TTC1: variants seen among roughly 807,000 people sequenced by gnomAD.
TTC1 encodes the protein tetratricopeptide repeat protein 1.
A neutral mutation model predicts 37.6 loss-of-function variants in TTC1; 31 were observed. The ratio of observed to expected loss-of-function variants is 0.82; its 90% CI spans 0.62 to 1.11. The LOEUF (loss-of-function observed/expected upper bound fraction) is 1.11. TTC1 is among the 50% of genes most tolerant of loss of function. The pLI, the probability that TTC1 is intolerant of heterozygous loss-of-function variation, is 0.00. For synonymous variants in TTC1, 127 were observed against 122.4 expected (o/e 1.04, Z -0.25); for missense variants, 351 against 339.0 (o/e 1.04, Z -0.28).
intron 6 of TTC1, among the ~76,000 whole-genome samples, chr5:160,049,974 G>T (rs934307906): frequency 3.9e-5 from 6 of 152,248 alleles, no homozygotes; most frequent in South Asian, 2.1e-4. Flanking sequence ...AGCTACTCGG[G>T]AGGCAGGAGA....
chr5:160,012,812 C>G (rs1756524599), intron 2 of TTC1, among the ~76,000 whole-genome samples: 1 of 151,998 alleles, frequency 6.6e-6, no homozygotes. Context: ...GTGAGTTTGA[C>G]AATTGTATAC....
At chr5:160,047,407 A>C (rs1476286239) in intron 5 of TTC1, among the ~76,000 whole-genome samples, 1 of 152,162 alleles carries the variant, frequency 6.6e-6, no homozygotes, top group African/African-American at 2.4e-5. Flanking sequence ...CATGGGCTCA[A>C]ATTTAAAGAC....
chr5:160,060,864 C>T (rs1753364892), intron 7 of TTC1, among the ~76,000 whole-genome samples: 1 of 152,246 alleles, frequency 6.6e-6, no homozygotes, highest in Non-Finnish European at 1.5e-5. Flanking sequence ...TGACCACACT[C>T]TGGCTTCAGA....
At chr5:160,034,126 CTTTTTTTTTTTTT>C (rs978923159) in intron 2 of TTC1, among the ~76,000 whole-genome samples, 1 of 114,562 alleles carries the variant, frequency 8.7e-6, no homozygotes, top group African/African-American at 3.2e-5. Context: ...GACCCTATCT[CTTTTTTTTTTTTT>C]TTTTTTTTAA....
intron 2 of TTC1, among the ~76,000 whole-genome samples, chr5:160,011,403 T>G (rs974001867): frequency 1.3e-5 from 2 of 152,206 alleles, no homozygotes; most frequent in Non-Finnish European, 2.9e-5. Flanking sequence ...TCCACTGACT[T>G]AAAATGTTAC....
chr5:160,048,397 T>G (rs1042749178), intron 5 of TTC1, among the ~76,000 whole-genome samples: 13 of 152,072 alleles, frequency 8.5e-5, no homozygotes, highest in Non-Finnish European at 1.6e-4. Flanking sequence ...CCAATTGACC[T>G]GCCTGCCTCG....
chr5:160,031,229 A>C (rs1276363123), intron 2 of TTC1, among the ~76,000 whole-genome samples: 5 of 152,178 alleles, frequency 3.3e-5, no homozygotes, highest in African/African-American at 1.2e-4. Context: ...TAATTTGCAC[A>C]ATCTGTGGAG....
rs760267758 is a variant in TTC1, at chr5:160,054,852, C to T, written c.745+3669C>T. On this transcript the variant is annotated intron_variant, in intron 7 of 7. Transcript: ENST00000231238. ...TTTTACAGTAGTAAATTTTTGCTCA[C>T]ATAGGTAAATAGGAAAAAAAACATT... 2.0e-5 allele frequency among the ~76,000 whole-genome samples: 3 copies of T among 152,012 alleles called. No homozygotes were observed. In the East Asian group the frequency reaches 5.8e-4, roughly 29 times the overall value.
In TTC1 at chr5:160,010,257, CAAAAAAAAAAAA is replaced by C. The variant is rs397882520; in HGVS notation, c.-29-232_-29-221del. ...TGGGCGACAGACTGAGATTAAGTCT[CAAAAAAAAAAAA>C]AAAAAAAAAAGAATCTGGTACCAGA... is the stretch of plus-strand genomic sequence containing the variant. On this transcript the variant is annotated intron_variant, in intron 1 of 7. Coordinates refer to ENST00000231238, the MANE Select transcript of TTC1 (RefSeq NM_003314.3). Among the ~76,000 whole-genome samples, 21 of 50,342 alleles carry C rather than the reference CAAAAAAAAAAAA, an allele frequency of 4.2e-4. No individual in the cohort carries two copies. In the South Asian group the frequency reaches 7.6e-3, roughly 18 times the overall value. 33.0% of individuals were successfully genotyped at this position (50,342 alleles called of 152,430 possible).
chr5:160,035,909 T>G (rs1303002643), intron 3 of TTC1, among the ~76,000 whole-genome samples: 5 of 152,002 alleles, frequency 3.3e-5, no homozygotes, highest in East Asian at 3.8e-4. Flanking sequence ...TTTTTCTTAT[T>G]GTTTTCCAAA....
rs765097163 is a variant in TTC1 at position 160,064,882 on chromosome 5, T to C, written c.746-50T>C. The C allele has an allele frequency of 3.2e-6, 5 of 1,574,596 alleles. No homozygotes were observed. In the South Asian group the frequency reaches 3.5e-5, roughly 11 times the overall value. On this transcript the variant is annotated intron_variant, in intron 7 of 7. Transcript: ENST00000231238. ...AAGGCAAGATTAATTGGTACCTTCC[T>C]GCTTCTGTTCATTCCTGTATTCATT...
At chr5:160,042,933 C>G (rs920358084) in intron 4 of TTC1, among the ~76,000 whole-genome samples, 200 bp from the exon 5 acceptor site, 3 of 152,176 alleles carry the variant, frequency 2.0e-5, no homozygotes, top group East Asian at 3.9e-4. Context: ...TACCAGGAGG[C>G]CTTCAGATCA....
chr5:160,056,975 G>T (rs999018557), intron 7 of TTC1, among the ~76,000 whole-genome samples: 7 of 151,740 alleles, frequency 4.6e-5, no homozygotes, highest in Admixed American at 3.9e-4. Context: ...CAGAAACCCA[G>T]TCTTTTTTTT....
chr5:160,058,376 A>T (rs907073522), intron 7 of TTC1, among the ~76,000 whole-genome samples: 2 of 149,984 alleles, frequency 1.3e-5, no homozygotes, highest in Non-Finnish European at 3.0e-5. Flanking sequence ...TATTTTGACC[A>T]TCTCAGCAGC....
At chr5:160,055,597 G>A (rs1003631286) in intron 7 of TTC1, among the ~76,000 whole-genome samples, 2 of 152,232 alleles carry the variant, frequency 1.3e-5, no homozygotes, top group African/African-American at 2.4e-5. Context: ...CCCTACCCCA[G>A]ACCTACTGAA....
At position 160,049,578 on chromosome 5, in the gene TTC1, G is replaced by T; in HGVS notation, c.606G>T (p.Thr202=). ...ILRRAELYEK[T]DKLDEALEDY... ...GGAGAGCAGAGTTGTATGAGAAGAC[G>T]GACAAGCTAGATGAAGCCCTGGAAG... The change falls in exon 6 of 8, where the codon ACG becomes ACT. Residue 202 remains threonine (T), a synonymous_variant. Coordinates refer to ENST00000231238, the MANE Select transcript of TTC1 (RefSeq NM_003314.3). 6.2e-7 allele frequency: 1 copy of T among 1,610,738 alleles called. No individual in the cohort carries two copies. The highest frequency in any genetic ancestry group is 8.5e-7 in the Non-Finnish European group (1 of 1,178,600).
rs1753568965 is a variant in TTC1, at chr5:160,065,197, G to A, written c.*132G>A. The A allele has an allele frequency of 3.3e-6, 4 of 1,214,280 alleles. No homozygotes were observed. Among genetic ancestry groups the A allele is most frequent in the Non-Finnish European group, 4.7e-6 (4 of 855,726 alleles). The allele number at this position is 1,214,280 out of a possible 1,614,324, so 75.2% of individuals were successfully genotyped here. A position where few individuals can be genotyped will look rare whatever the true frequency, so the allele number is the denominator to read the frequency against. Reference sequence around the variant, plus strand: ...AAGAAAGGCTATCCAGTAGAGCCCAGTGCTCCCTTGTCCCTCTTTTATGAT... The same window carrying A: ...AAGAAAGGCTATCCAGTAGAGCCCAATGCTCCCTTGTCCCTCTTTTATGAT... On this transcript the variant is annotated 3_prime_UTR_variant, in exon 8 of 8. Transcript: ENST00000231238.
At chr5:160,016,898 C>A (rs1435930512) in intron 2 of TTC1, among the ~76,000 whole-genome samples, 1 of 152,130 alleles carries the variant, frequency 6.6e-6, no homozygotes, top group Non-Finnish European at 1.5e-5. Context: ...ATAATTCACG[C>A]TCAAGTGTAG....
chr5:160,035,512 T>C (rs924206877), intron 3 of TTC1, among the ~76,000 whole-genome samples: 3 of 152,272 alleles, frequency 2.0e-5, no homozygotes, highest in Admixed American at 6.5e-5. Context: ...TTAAAGGTTA[T>C]GTGCTGCATT....
Sources: allele counts gnomAD v4.1 joint callset (sites outside exome capture counted in the v4.1 genomes callset), GRCh38; gene constraint gnomAD v4.1.1; transcripts MANE v1.5; gene names NCBI Gene and HGNC (gene_info 2026-07-23, HGNC 2026-07-21).